PPP2R5C: variants seen among roughly 807,000 people sequenced by gnomAD.
The protein encoded by PPP2R5C is protein phosphatase 2 regulatory subunit B'gamma, also known as serine/threonine-protein phosphatase 2A 56 kDa regulatory subunit gamma isoform.
A neutral mutation model predicts 68.9 loss-of-function variants in PPP2R5C; 7 were observed. The observed-to-expected ratio is 0.10, with a 90% CI of 0.06 to 0.19. The LOEUF is 0.19. PPP2R5C is among the 10% of genes least tolerant of loss of function. The pLI is 1.00. For synonymous variants in PPP2R5C, 210 were observed against 222.2 expected (o/e 0.95, Z 0.49); for missense variants, 348 against 641.3 (o/e 0.54, Z 4.94).
chr14:101,812,330 G>C (rs1365313774), intron 1 of PPP2R5C, among the ~76,000 whole-genome samples: 1 of 152,188 alleles, frequency 6.6e-6, no homozygotes, highest in Non-Finnish European at 1.5e-5. Flanking sequence ...GGGTGCCCGG[G>C]AGAGCAGGGG....
chr14:101,783,811 G>C (rs1170419661), intron 2 of PPP2R5C, among the ~76,000 whole-genome samples: 1 of 152,206 alleles, frequency 6.6e-6, no homozygotes, highest in Non-Finnish European at 1.5e-5. Flanking sequence ...AAAGGAGATG[G>C]AGAACATTAT....
In PPP2R5C at chr14:101,781,856, C is replaced by T. The variant is rs1411667122; in HGVS notation, c.94-4162C>T. 6.6e-6 allele frequency among the ~76,000 whole-genome samples: 1 copy of T among 151,988 alleles called. No individual in the cohort carries two copies. Among genetic ancestry groups the T allele is most frequent in the Non-Finnish European group, 1.5e-5 (1 of 67,904 alleles). On this transcript the variant is annotated intron_variant, in intron 2 of 14. Transcript: ENST00000328724. The surrounding 1 kb of genome is among the most constrained non-coding windows in gnomAD (Gnocchi z 6.4). ...CGGGGGCTTCATCCTCCAGCCGTGG[C>T]CGTGGCCGTGGCCAGGTGTACCGGA...
At chr14:101,847,014 A>T (rs2041867175) in intron 1 of PPP2R5C, among the ~76,000 whole-genome samples, 1 of 152,236 alleles carries the variant, frequency 6.6e-6, no homozygotes, top group East Asian at 1.9e-4. Context: ...TTAAAAGTTT[A>T]TGTAGATGTT....
chr14:101,834,796 CTT>C (rs1444851331), intron 1 of PPP2R5C, among the ~76,000 whole-genome samples: 1 of 152,198 alleles, frequency 6.6e-6, no homozygotes, highest in Non-Finnish European at 1.5e-5. Context: ...TACCTCTACT[CTT>C]TCCTCTCCCA....
rs1024970907 is a variant in PPP2R5C at position 101,831,729 on chromosome 14, T to A, written c.94+21693T>A. On this transcript the variant is annotated intron_variant, in intron 1 of 13. Transcript: ENST00000334743. The stretch of plus-strand genomic sequence containing the variant: ...GCAAATGCACAAGATTCGAGACCTA[T>A]GTATACAGAGGGCCAACTTTTCATA... 7.0e-5 allele frequency: 49 copies of A among 701,964 alleles called. No individual in the cohort carries two copies. The African/African-American group carries it at 7.2e-4, about 10-fold the overall frequency. 43.5% of individuals were successfully genotyped at this position (701,964 alleles called of 1,614,324 possible).
chr14:101,838,307 G>C (rs1173436630), intron 1 of PPP2R5C, among the ~76,000 whole-genome samples: 1 of 152,204 alleles, frequency 6.6e-6, no homozygotes, highest in African/African-American at 2.4e-5. Flanking sequence ...AATCGTCGAA[G>C]GAAGGTGAAT....
chr14:101,776,101 G>T (rs116614661), intron 2 of PPP2R5C, among the ~76,000 whole-genome samples: 116 of 151,138 alleles, frequency 7.7e-4, no homozygotes, highest in African/African-American at 2.7e-3. Context: ...CAGACACGTG[G>T]AGGCCACAGT....
At chr14:101,887,715 G>A (rs996470107) in intron 5 of PPP2R5C, among the ~76,000 whole-genome samples, 2 of 152,226 alleles carry the variant, frequency 1.3e-5, no homozygotes, top group Admixed American at 1.3e-4. Context: ...TCTGCCCTTT[G>A]TGTTGGTCAG....
At chr14:101,922,514 A>G (rs2047067489) in intron 13 of PPP2R5C, among the ~76,000 whole-genome samples, 1 of 149,590 alleles carries the variant, frequency 6.7e-6, no homozygotes, top group Non-Finnish European at 1.5e-5. Context: ...ATAATTTTTA[A>G]AAAGAAAGAA....
At chr14:101,886,235 C>G (rs541148007) in intron 5 of PPP2R5C, among the ~76,000 whole-genome samples, 144 of 149,914 alleles carry the variant, frequency 9.6e-4, no homozygotes, top group Non-Finnish European at 1.8e-3. Flanking sequence ...GAGCCGAGAT[C>G]GTGCCACTGC....
At chr14:101,816,855 A>AAT (rs1158840375) in intron 1 of PPP2R5C, among the ~76,000 whole-genome samples, 20 of 143,936 alleles carry the variant, frequency 1.4e-4, no homozygotes, top group Non-Finnish European at 2.4e-4. Flanking sequence ...GAGAGAAATA[A>AAT]ATATATATAT....
At chr14:101,849,147 A>G (rs1252540496) in intron 1 of PPP2R5C, among the ~76,000 whole-genome samples, 1 of 152,156 alleles carries the variant, frequency 6.6e-6, no homozygotes, top group African/African-American at 2.4e-5. Context: ...CATTTACCTA[A>G]TCCACCACTG....
At chr14:101,918,794 A>C (rs953133841) in intron 13 of PPP2R5C, among the ~76,000 whole-genome samples, 1 of 148,120 alleles carries the variant, frequency 6.8e-6, no homozygotes. Context: ...GGGTTCAAGG[A>C]GCGTTTCAGC....
At chr14:101,765,511 G>T in intron 2 of PPP2R5C, 1 of 408,816 alleles carries the variant, frequency 2.4e-6, no homozygotes, top group African/African-American at 2.0e-5. Flanking sequence ...CTCTTAACTT[G>T]AATATTTTAA....
chr14:101,844,529 C>T (rs534441679), intron 1 of PPP2R5C, among the ~76,000 whole-genome samples: 1 of 152,282 alleles, frequency 6.6e-6, no homozygotes, highest in Non-Finnish European at 1.5e-5. Context: ...ACCGACCCTC[C>T]CTGCTGTCAT....
chr14:101,825,991 A>T lies in PPP2R5C; in HGVS notation c.94+15955A>T, dbSNP rs61994049. ...GAGAATAGGAGGTGGCCCAGAGGGC[A>T]TGGTCAGATGTGGCTATCACAGCTG... On this transcript the variant is annotated intron_variant, in intron 1 of 13. Transcript: ENST00000334743. This position sits in a 1 kb window ranked among gnomAD's most constrained non-coding sequence, Gnocchi z 4.0. Among the ~76,000 whole-genome samples, 1 of 152,086 alleles carries T rather than the reference A, an allele frequency of 6.6e-6. No individual in the cohort carries two copies. Among genetic ancestry groups the T allele is most frequent in the African/African-American group, 2.4e-5 (1 of 41,356 alleles).
intron 2 of PPP2R5C, among the ~76,000 whole-genome samples, chr14:101,874,152 G>A (rs946694458): frequency 2.6e-5 from 4 of 152,144 alleles, no homozygotes; most frequent in African/African-American, 9.7e-5. Flanking sequence ...TTGGGGTTAG[G>A]GGAAATGGCT....
At chr14:101,896,123 G>T (rs1176994877) in intron 8 of PPP2R5C, among the ~76,000 whole-genome samples, 1 of 152,044 alleles carries the variant, frequency 6.6e-6, no homozygotes, top group Non-Finnish European at 1.5e-5. Flanking sequence ...GGGTTCAAGC[G>T]ATTCTCCTAT....
At chr14:101,803,191 A>G (rs2038940253) in intron 3 of PPP2R5C, 1 of 152,242 alleles carries the variant, frequency 6.6e-6, no homozygotes, top group South Asian at 2.1e-4. Context: ...CCTGGGTGAC[A>G]GAGCAAGACC....
Sources: gnomAD v4.1 joint callset for allele counts (sites outside exome capture counted in the v4.1 genomes callset) on GRCh38, gnomAD v4.1.1 for gene constraint, Gnocchi (gnomAD v3.1) non-coding constraint, MANE v1.5 for transcripts, NCBI Gene and HGNC (gene_info 2026-07-23, HGNC 2026-07-21) for gene names.